Variants in IGF1 observed in about 807,000 individuals in gnomAD.
IGF1 encodes the protein insulin-like growth factor 1.
In IGF1, 4 loss-of-function variants were observed where a neutral mutation model predicts 13.8. That is an observed-to-expected ratio of 0.29 (90% CI 0.14 to 0.66). The LOEUF (loss-of-function observed/expected upper bound fraction) is 0.66, where lower values mean the gene tolerates loss of function less well. IGF1 is among the 30% of genes least tolerant of loss of function. The pLI, the probability that IGF1 is intolerant of heterozygous loss-of-function variation, is 0.78. For missense variants in IGF1, 124 were observed against 188.5 expected (o/e 0.66, Z 2.00); for synonymous variants, 76 against 72.6 (o/e 1.05, Z -0.23).
chr12:102,409,831 C>A (rs1874480297), intron 3 of IGF1, among the ~76,000 whole-genome samples: 2 of 152,208 alleles, frequency 1.3e-5, no homozygotes, highest in South Asian at 4.1e-4. Context: ...ATAGCTCTTG[C>A]CACAGGGCAA....
chr12:102,468,378 G>A (rs560231573), intron 2 of IGF1, among the ~76,000 whole-genome samples: 1 of 152,354 alleles, frequency 6.6e-6, no homozygotes, highest in East Asian at 1.9e-4. Flanking sequence ...CAGATGTAAA[G>A]TAAGTGAAGG....
At chr12:102,424,368 A>G (rs1428055247) in intron 2 of IGF1, among the ~76,000 whole-genome samples, 1 of 152,154 alleles carries the variant, frequency 6.6e-6, no homozygotes, top group African/African-American at 2.4e-5. Context: ...GCTAATAAAA[A>G]TGAACCTGCA....
intron 2 of IGF1, among the ~76,000 whole-genome samples, chr12:102,451,270 A>G (rs1472031963): frequency 6.6e-6 from 1 of 152,258 alleles, no homozygotes; most frequent in African/African-American, 2.4e-5. Flanking sequence ...ATCTTCAAGG[A>G]TAAGAGAGTA....
chr12:102,444,248 CTT>C (rs61609111), intron 2 of IGF1, among the ~76,000 whole-genome samples: 1 of 145,484 alleles, frequency 6.9e-6, no homozygotes. Flanking sequence ...ACCCAATTTC[CTT>C]TTTTTTTTTT....
At position 102,398,102 on chromosome 12, in the gene IGF1, A is replaced by AG. The variant is rs398039975; in HGVS notation, c.*4404_*4405insC. 2 of 151,326 alleles carry AG rather than the reference A, an allele frequency of 1.3e-5. No individual in the cohort carries two copies. Among genetic ancestry groups the AG allele is most frequent in the Non-Finnish European group, 3.0e-5 (2 of 67,742 alleles). 9.4% of individuals were successfully genotyped at this position (151,326 alleles called of 1,614,324 possible). A position where few individuals can be genotyped will look rare whatever the true frequency, so the allele number is the denominator to read the frequency against. Reference sequence around the variant, plus strand: ...TGTATAAAGTAAAAAAAAAAAAAAAACAAAAACAAGAAACAAAAAATCTTC... The same window carrying AG: ...TGTATAAAGTAAAAAAAAAAAAAAAAGCAAAAACAAGAAACAAAAAATCTTC... On this transcript the variant is annotated 3_prime_UTR_variant, in exon 4 of 4. Transcript: ENST00000337514.
At position 102,398,742 on chromosome 12, in the gene IGF1, ATTG is replaced by A. The variant is rs2136929842; in HGVS notation, c.*3762_*3764del. ...TTTTATTAAGCCATCTATCTATAGA[ATTG>A]TTGTTTTTATACTTTAAAAAAATAT... On this transcript the variant is annotated 3_prime_UTR_variant, in exon 4 of 4. Transcript: ENST00000337514. 1 of 152,104 alleles carries A rather than the reference ATTG, an allele frequency of 6.6e-6. No homozygotes were observed. The highest frequency in any genetic ancestry group is 2.4e-5 in the African/African-American group (1 of 41,490). The allele number at this position is 152,104 out of a possible 1,614,324, so 9.4% of individuals were successfully genotyped here. A position where few individuals can be genotyped will look rare whatever the true frequency, so the allele number is the denominator to read the frequency against.
intron 2 of IGF1, among the ~76,000 whole-genome samples, chr12:102,431,730 T>C (rs2137051676): frequency 6.6e-6 from 1 of 152,272 alleles, no homozygotes; most frequent in South Asian, 2.1e-4. Flanking sequence ...ATGAAGAATA[T>C]GGGTGAAGGC....
At chr12:102,407,094 C>CAAAAAAAAAAAAAAA (rs57468885) in intron 3 of IGF1, among the ~76,000 whole-genome samples, 16 of 100,980 alleles carry the variant, frequency 1.6e-4, no homozygotes, top group Non-Finnish European at 2.5e-4. Context: ...ACTCTGTCTC[C>CAAAAAAAAAAAAAAA]AAAAAAAAAA....
At chr12:102,462,848 A>G (rs1443669113) in intron 2 of IGF1, 1 of 152,230 alleles carries the variant, frequency 6.6e-6, no homozygotes, top group East Asian at 1.9e-4. Context: ...CATGTTGAGA[A>G]CACAGTCATC....
chr12:102,440,062 C>T (rs1409808288), intron 2 of IGF1, among the ~76,000 whole-genome samples: 1 of 152,178 alleles, frequency 6.6e-6, no homozygotes, highest in Non-Finnish European at 1.5e-5. Context: ...AGGGACCGGA[C>T]CTAAGGACCT....
intron 3 of IGF1, among the ~76,000 whole-genome samples, chr12:102,410,158 G>A (rs375402042): frequency 1.1e-4 from 16 of 152,180 alleles, no homozygotes; most frequent in East Asian, 9.7e-4. Flanking sequence ...TGCCTGTGAT[G>A]TAAAAAATCT....
chr12:102,435,054 A>G (rs374011119), intron 2 of IGF1, among the ~76,000 whole-genome samples: 2 of 152,384 alleles, frequency 1.3e-5, no homozygotes, highest in African/African-American at 4.8e-5. Flanking sequence ...AAAATACAGT[A>G]TAACAGGTGT....
intron 2 of IGF1, among the ~76,000 whole-genome samples, chr12:102,422,260 A>G (rs1875796064): frequency 6.6e-6 from 1 of 152,188 alleles, no homozygotes; most frequent in African/African-American, 2.4e-5. Context: ...AAATAGTGGT[A>G]TACAGACTTC....
At chr12:102,431,623 C>G (rs910675478) in intron 2 of IGF1, among the ~76,000 whole-genome samples, 2 of 152,080 alleles carry the variant, frequency 1.3e-5, no homozygotes, top group East Asian at 3.9e-4. Context: ...TCACCTTACT[C>G]GGGAACACCT....
chr12:102,455,735 A>G (rs906355932), intron 2 of IGF1, among the ~76,000 whole-genome samples: 1 of 152,198 alleles, frequency 6.6e-6, no homozygotes, highest in African/African-American at 2.4e-5. Flanking sequence ...AGAGACCAGC[A>G]TTCTAGTATG....
chr12:102,433,430 A>G (rs1242916740), intron 2 of IGF1, among the ~76,000 whole-genome samples: 1 of 152,218 alleles, frequency 6.6e-6, no homozygotes, highest in East Asian at 1.9e-4. Flanking sequence ...GCTCAGAGAA[A>G]TTGTTGAAGT....
rs1873438247 is a variant in IGF1, at chr12:102,398,790, TC to T, written c.*3716del. The T allele has an allele frequency of 2.6e-5, 4 of 152,322 alleles. No homozygotes were observed. Among genetic ancestry groups the T allele is most frequent in the Admixed American group, 6.6e-5 (1 of 15,264 alleles). 9.4% of individuals were successfully genotyped at this position (152,322 alleles called of 1,614,324 possible). A position where few individuals can be genotyped will look rare whatever the true frequency, so the allele number is the denominator to read the frequency against. On this transcript the variant is annotated 3_prime_UTR_variant, in exon 4 of 4. Transcript: ENST00000337514. The stretch of plus-strand genomic sequence containing the variant: ...AAATATGTCTATGCTTTCTTTTTTT[TC>T]TTTTTTTCTTTTTTTTTTAGTCAAG...
intron 2 of IGF1, among the ~76,000 whole-genome samples, chr12:102,468,149 T>C (rs1414632087): frequency 3.3e-5 from 5 of 152,206 alleles, no homozygotes. Context: ...TTTTGACCCC[T>C]CTTTTTTTTG....
intron 2 of IGF1, among the ~76,000 whole-genome samples, chr12:102,461,295 G>A (rs527402990): frequency 6.6e-6 from 1 of 152,264 alleles, no homozygotes; most frequent in East Asian, 1.9e-4. Flanking sequence ...GGGAACTTGA[G>A]TTTCAGAATG....
Sources: gnomAD v4.1 joint callset for allele counts (sites outside exome capture counted in the v4.1 genomes callset) on GRCh38, gnomAD v4.1.1 for gene constraint, MANE v1.5 for transcripts, NCBI Gene and HGNC (gene_info 2026-07-23, HGNC 2026-07-21) for gene names.